Variants in SAMHD1 observed in about 807,000 individuals in gnomAD.
SAMHD1 encodes the protein deoxynucleoside triphosphate triphosphohydrolase SAMHD1.
In SAMHD1, 54 loss-of-function variants were observed where a neutral mutation model predicts 79.6. The observed-to-expected ratio is 0.68, with a 90% CI of 0.55 to 0.85. SAMHD1 has a LOEUF of 0.85. Ranked by LOEUF, SAMHD1 falls within the 40% of genes least tolerant of loss-of-function variation. SAMHD1 has a pLI of 0.00. For missense variants in SAMHD1, 663 were observed against 782.7 expected (o/e 0.85, Z 1.82); for synonymous variants, 260 against 264.1 (o/e 0.98, Z 0.15).
intron 9 of SAMHD1, among the ~76,000 whole-genome samples, chr20:36,914,967 G>A (rs549829014): frequency 5.9e-5 from 9 of 151,960 alleles, no homozygotes; most frequent in African/African-American, 1.2e-4. Context: ...ATCTGAGATC[G>A]CACCACTACA....
chr20:36,899,652 G>C (rs898250158), intron 13 of SAMHD1, among the ~76,000 whole-genome samples: 1 of 152,196 alleles, frequency 6.6e-6, no homozygotes, highest in Non-Finnish European at 1.5e-5. Context: ...AACAGGCTTA[G>C]GTGGGAAGAA....
At chr20:36,941,178 T>C (rs931439055) in intron 2 of SAMHD1, 67 bp from the exon 3 acceptor site, 6 of 1,060,168 alleles carry the variant, frequency 5.7e-6, no homozygotes, top group Non-Finnish European at 8.8e-6. Context: ...CAGTATATAG[T>C]AGACATAATA....
At chr20:36,927,674 T>A (rs1335585507) in intron 5 of SAMHD1, among the ~76,000 whole-genome samples, 1 of 152,160 alleles carries the variant, frequency 6.6e-6, no homozygotes, top group Non-Finnish European at 1.5e-5. Flanking sequence ...ATTAATAATC[T>A]AAAAATACAA....
rs1219206348 is a variant in SAMHD1 at position 36,919,516 on chromosome 20, C to A, written c.700G>T (p.Glu234Ter). 6.2e-7 allele frequency: 1 copy of A among 1,613,240 alleles called. No homozygotes were observed. The highest frequency in any genetic ancestry group is 1.1e-5 in the South Asian group (1 of 90,996). Residue 234 changes from glutamate to a stop codon, truncating the protein, a stop_gained, in exon 7 of 16, where the codon GAA becomes TAA. Transcript: ENST00000646673. LOFTEE classifies it high-confidence loss of function. ...LARPEVKWTH[E>*]QGSVMMFEHL... ...TCAAACATCATAACTGAGCCTTGTT[C>A]ATGCTAGGAAAAGTAAGCACAATAT...
chr20:36,902,042 C>CT (rs1183806205), intron 13 of SAMHD1, among the ~76,000 whole-genome samples: 2 of 152,152 alleles, frequency 1.3e-5, no homozygotes, highest in Non-Finnish European at 2.9e-5. Context: ...TAAGGAGTTG[C>CT]TACCTAATGG....
chr20:36,908,082 G>C (rs372078416), intron 11 of SAMHD1, among the ~76,000 whole-genome samples: 1 of 151,468 alleles, frequency 6.6e-6, no homozygotes, highest in African/African-American at 2.4e-5. Context: ...CACCATGTTG[G>C]TCAGGCTGGT....
chr20:36,935,601 C>A (rs1420809835), intron 3 of SAMHD1, among the ~76,000 whole-genome samples: 1 of 148,646 alleles, frequency 6.7e-6, no homozygotes, highest in Non-Finnish European at 1.5e-5. Flanking sequence ...GACAGAGTCT[C>A]ACTGTGTTAC....
At chr20:36,914,045 C>T (rs530153108) in intron 9 of SAMHD1, among the ~76,000 whole-genome samples, 33 of 151,232 alleles carry the variant, frequency 2.2e-4, no homozygotes, top group South Asian at 1.5e-3. Context: ...TGTACCACCA[C>T]GCCTAGCCCT....
intron 11 of SAMHD1, among the ~76,000 whole-genome samples, chr20:36,906,626 A>AT (rs942328107): frequency 2.0e-5 from 3 of 152,180 alleles, no homozygotes; most frequent in East Asian, 1.9e-4. Context: ...TAAAACAATG[A>AT]TTTTTTAATG....
intron 9 of SAMHD1, among the ~76,000 whole-genome samples, chr20:36,915,510 G>A (rs1420916284): frequency 2.0e-5 from 3 of 151,540 alleles, no homozygotes; most frequent in Admixed American, 6.6e-5. Context: ...GCTGAAGCGG[G>A]TGGATCACTT....
At chr20:36,905,250 T>G in intron 12 of SAMHD1, 114 bp downstream of exon 12, 46 of 1,171,714 alleles carry the variant, frequency 3.9e-5, no homozygotes, top group Non-Finnish European at 5.1e-5. Context: ...GAAGATTAAA[T>G]GAGAATAAAC....
chr20:36,914,539 C>T (rs1048633825), intron 9 of SAMHD1, among the ~76,000 whole-genome samples: 3 of 151,928 alleles, frequency 2.0e-5, no homozygotes, highest in South Asian at 4.2e-4. Context: ...TGAGTAGAGA[C>T]GGAGTTTCAC....
intron 13 of SAMHD1, 141 bp downstream of exon 13, chr20:36,904,016 A>G (rs1278106249): frequency 1.5e-6 from 1 of 647,896 alleles, no homozygotes; most frequent in Non-Finnish European, 2.8e-6. Flanking sequence ...TGTGGTTAAT[A>G]ATATTGGTTC....
chr20:36,932,439 C>G (rs181122074), intron 4 of SAMHD1, among the ~76,000 whole-genome samples: 1 of 141,358 alleles, frequency 7.1e-6, no homozygotes, highest in Non-Finnish European at 1.5e-5. Context: ...TTGTTTAATA[C>G]GTATACAGTT....
intron 3 of SAMHD1, 124 bp from the exon 4 acceptor site, chr20:36,935,313 G>A (rs2063596265): frequency 2.6e-6 from 2 of 775,896 alleles, no homozygotes; most frequent in East Asian, 2.7e-5. Context: ...AAATACTAAC[G>A]GAAATGACAA....
At chr20:36,907,556 T>TC (rs1482168441) in intron 11 of SAMHD1, among the ~76,000 whole-genome samples, 34 of 91,390 alleles carry the variant, frequency 3.7e-4, no homozygotes, top group Non-Finnish European at 7.2e-4. Context: ...TTTTTTTTTT[T>TC]TTTTAGACAG....
At chr20:36,937,699 G>A (rs1267763942) in intron 3 of SAMHD1, among the ~76,000 whole-genome samples, 2 of 152,162 alleles carry the variant, frequency 1.3e-5, no homozygotes, top group South Asian at 2.1e-4. Flanking sequence ...GTCTGCAACT[G>A]AGTAGCAAAC....
At chr20:36,934,491 C>G (rs2063588058) in intron 4 of SAMHD1, among the ~76,000 whole-genome samples, 2 of 116,014 alleles carry the variant, frequency 1.7e-5, no homozygotes, top group African/African-American at 3.4e-5. Flanking sequence ...CCACTGCACT[C>G]CAGCCTAGTG....
At chr20:36,903,259 C>T (rs949276699) in intron 13 of SAMHD1, among the ~76,000 whole-genome samples, 1 of 151,532 alleles carries the variant, frequency 6.6e-6, no homozygotes, top group South Asian at 2.1e-4. Flanking sequence ...GCCTGAGGTG[C>T]AGTGCTGTCT....
Sources: allele counts gnomAD v4.1 joint callset (sites outside exome capture counted in the v4.1 genomes callset), GRCh38; gene constraint gnomAD v4.1.1; transcripts MANE v1.5; gene names NCBI Gene and HGNC (gene_info 2026-07-23, HGNC 2026-07-21).